SSPN: variants seen among roughly 807,000 people sequenced by gnomAD.
SSPN encodes the protein K-ras oncogene-associated protein.
SSPN carries 15 observed loss-of-function variants against 19.1 expected under a neutral mutation model. That is an observed-to-expected ratio of 0.78 (90% CI 0.52 to 1.21). The LOEUF (loss-of-function observed/expected upper bound fraction) is 1.21, where lower values mean the gene tolerates loss of function less well. SSPN is among the 50% of genes most tolerant of loss of function. SSPN has a pLI of 0.00. For synonymous variants in SSPN, 147 were observed against 140.3 expected, an observed-to-expected ratio of 1.05 and a Z score of -0.34; for missense variants, 291 against 314.0, an observed-to-expected ratio of 0.93 and a Z score of 0.55.
In SSPN at chr12:26,232,655, A is replaced by G; in HGVS notation, c.*1579A>G. 6.1e-6 allele frequency: 6 copies of G among 985,148 alleles called. No homozygotes were observed. Among genetic ancestry groups the G allele is most frequent in the Non-Finnish European group, 7.2e-6 (6 of 829,658 alleles). The allele number at this position is 985,148 out of a possible 1,614,324, so 61.0% of individuals were successfully genotyped here. Reference sequence around the variant, plus strand: ...ATAATGGTTTCAATTTCTACACAATATAAATATCCAGTATAAAGGAAAGCG... The same window carrying G: ...ATAATGGTTTCAATTTCTACACAATGTAAATATCCAGTATAAAGGAAAGCG... On this transcript the variant is annotated 3_prime_UTR_variant, in exon 3 of 3. Transcript: ENST00000242729.
intron 1 of SSPN, among the ~76,000 whole-genome samples, chr12:26,154,969 G>A (rs1446829600): frequency 6.6e-6 from 1 of 152,150 alleles, no homozygotes; most frequent in East Asian, 1.9e-4. Flanking sequence ...AAAACAATCT[G>A]TGGAGCTCAG....
intron 1 of SSPN, among the ~76,000 whole-genome samples, chr12:26,202,620 G>C (rs1388779879): frequency 6.6e-6 from 1 of 152,208 alleles, no homozygotes; most frequent in Non-Finnish European, 1.5e-5. Context: ...TGAATAGATA[G>C]ATTGCCAATA....
intron 1 of SSPN, among the ~76,000 whole-genome samples, chr12:26,162,845 G>A (rs1192444097): frequency 2.6e-5 from 4 of 152,286 alleles, no homozygotes; most frequent in South Asian, 2.1e-4. Flanking sequence ...ATACAACTTC[G>A]AAACAATCTG....
In SSPN at chr12:26,165,672, C is replaced by T. The variant is rs1944616410; in HGVS notation, c.-31+43520C>T. ...TGAGTTAGTTTTCCTTTTCTCTAGTCACCATCCAATCAGAGATGAGGCACT... is the reference window on the plus strand; with the variant it reads ...TGAGTTAGTTTTCCTTTTCTCTAGTTACCATCCAATCAGAGATGAGGCACT... On this transcript the variant is annotated intron_variant, in intron 1 of 2. Coordinates refer to the SSPN transcript ENST00000538142. Among the ~76,000 whole-genome samples, 3 of 152,310 alleles carry T rather than the reference C, an allele frequency of 2.0e-5. No individual in the cohort carries two copies. In the Middle Eastern group the frequency reaches 0.01, roughly 518 times the overall value.
chr12:26,165,116 C>T (rs988793125), intron 1 of SSPN, among the ~76,000 whole-genome samples: 3 of 152,032 alleles, frequency 2.0e-5, no homozygotes, highest in Non-Finnish European at 2.9e-5. Context: ...TATTTTTAAT[C>T]GAAAAATTCT....
At chr12:26,140,943 G>GGGTGACGGGCGGTGTGTA (rs2137405561) in intron 1 of SSPN, among the ~76,000 whole-genome samples, 1 of 152,214 alleles carries the variant, frequency 6.6e-6, no homozygotes, top group East Asian at 1.9e-4. Flanking sequence ...ATATAAAGCA[G>GGGTGACGGGCGGTGTGTA]CTCCTGCCAC....
intron 1 of SSPN, among the ~76,000 whole-genome samples, chr12:26,183,209 C>T (rs745485982): frequency 2.0e-5 from 3 of 152,118 alleles, no homozygotes; most frequent in East Asian, 3.8e-4. Flanking sequence ...GAATAAGAAC[C>T]GCATTTATGA....
chr12:26,227,244 A>C (rs934194516), intron 2 of SSPN, among the ~76,000 whole-genome samples: 23 of 152,204 alleles, frequency 1.5e-4, no homozygotes, highest in Admixed American at 3.9e-4. Context: ...ACAGCGCTGC[A>C]GATAAAGCCT....
intron 1 of SSPN, among the ~76,000 whole-genome samples, chr12:26,163,041 G>GTGTC (rs888109824): frequency 1.5e-5 from 2 of 130,506 alleles, no homozygotes; most frequent in African/African-American, 8.8e-5. Context: ...ACGTGTGTGT[G>GTGTC]TGTGTGTGTG....
chr12:26,122,612 T>TGCCGCCGCC, intron 1 of SSPN: 1 of 1,130,288 alleles, frequency 8.8e-7, no homozygotes. Flanking sequence ...GAAGCGCGGC[T>TGCCGCCGCC]GCCGCCGCCG....
intron 1 of SSPN, among the ~76,000 whole-genome samples, chr12:26,164,600 T>A (rs1944609734): frequency 6.6e-6 from 1 of 152,218 alleles, no homozygotes; most frequent in South Asian, 2.1e-4. Context: ...TATATTGGCT[T>A]ATATTCCAGT....
At position 26,231,197 on chromosome 12, in the gene SSPN, A is replaced by G. The variant is rs115326344; in HGVS notation, c.*121A>G. 1.1e-3 allele frequency: 1,362 copies of G among 1,291,196 alleles called. 19 individuals carry two copies. In the African/African-American group the frequency reaches 0.019, roughly 18 times the overall value. The allele number at this position is 1,291,196 out of a possible 1,614,324, so 80.0% of individuals were successfully genotyped here. ...ACAATAAAAGTCACTCTTCTAATTGAATATTTTTATATTTTTATGAAACAA... is the reference window on the plus strand; with the variant it reads ...ACAATAAAAGTCACTCTTCTAATTGGATATTTTTATATTTTTATGAAACAA... On this transcript the variant is annotated 3_prime_UTR_variant, in exon 3 of 3. Coordinates refer to ENST00000242729, the MANE Select transcript of SSPN (RefSeq NM_005086.5).
intron 1 of SSPN, chr12:26,180,625 G>C (rs1047020445): frequency 1.3e-5 from 2 of 152,164 alleles, no homozygotes; most frequent in Non-Finnish European, 2.9e-5. Context: ...TAGCTTTAAA[G>C]TTCACTGTTA....
chr12:26,166,134 C>G (rs974847556), intron 1 of SSPN, among the ~76,000 whole-genome samples: 4 of 152,002 alleles, frequency 2.6e-5, no homozygotes, highest in African/African-American at 7.3e-5. Flanking sequence ...GATTGGGGAG[C>G]TAGGGGAGGG....
intron 2 of SSPN, among the ~76,000 whole-genome samples, chr12:26,225,670 G>A (rs936464746): frequency 8.7e-5 from 13 of 150,198 alleles, no homozygotes; most frequent in African/African-American, 2.9e-4. Context: ...TTGAAAGAAG[G>A]CCAGATAGAG....
intron 1 of SSPN, chr12:26,123,917 A>G: frequency 2.7e-6 from 2 of 741,324 alleles, no homozygotes; most frequent in Non-Finnish European, 4.7e-6. Context: ...TTCAGCTGGG[A>G]GCACCTACTC....
At chr12:26,197,064 G>T (rs2137458371) in intron 1 of SSPN, among the ~76,000 whole-genome samples, 1 of 152,314 alleles carries the variant, frequency 6.6e-6, no homozygotes, top group East Asian at 1.9e-4. Flanking sequence ...GAAGTTAGAT[G>T]ACATTCTCAA....
chr12:26,135,911 A>G (rs1565668954), intron 1 of SSPN, among the ~76,000 whole-genome samples: 1 of 152,200 alleles, frequency 6.6e-6, no homozygotes, highest in Non-Finnish European at 1.5e-5. Flanking sequence ...TCTGTTTTAG[A>G]AATTCTGCTT....
intron 1 of SSPN, among the ~76,000 whole-genome samples, chr12:26,198,679 A>G (rs1027619583): frequency 5.9e-5 from 9 of 152,192 alleles, no homozygotes; most frequent in Non-Finnish European, 1.2e-4. Context: ...AGAAAATATC[A>G]GTTTTGCCGT....
Sources: gnomAD v4.1 joint callset for allele counts (sites outside exome capture counted in the v4.1 genomes callset) on GRCh38, gnomAD v4.1.1 for gene constraint, MANE v1.5 for transcripts, NCBI Gene and HGNC (gene_info 2026-07-23, HGNC 2026-07-21) for gene names.